TACR1: variants seen among roughly 807,000 people sequenced by gnomAD.
The protein encoded by TACR1 is substance-P receptor.
In TACR1, 25 loss-of-function variants were observed where a neutral mutation model predicts 35.8. That is an observed-to-expected ratio of 0.70 (90% CI 0.51 to 0.98). TACR1 has a LOEUF of 0.98. Ranked by LOEUF, TACR1 falls within the 50% of genes least tolerant of loss-of-function variation. The pLI, the probability that TACR1 is intolerant of heterozygous loss-of-function variation, is 0.00. For synonymous variants in TACR1, 195 were observed against 206.7 expected, an observed-to-expected ratio of 0.94 and a Z score of 0.48; for missense variants, 478 against 522.9, an observed-to-expected ratio of 0.91 and a Z score of 0.84.
intron 3 of TACR1, among the ~76,000 whole-genome samples, chr2:75,052,865 C>G (rs182959924): frequency 3.3e-4 from 50 of 151,986 alleles, no homozygotes; most frequent in African/African-American, 1.1e-3. Context: ...TTAAATGTTT[C>G]GTTTTGAACT....
intron 1 of TACR1, among the ~76,000 whole-genome samples, chr2:75,127,024 AT>A (rs1292635562): frequency 6.6e-6 from 1 of 152,320 alleles, no homozygotes; most frequent in East Asian, 1.9e-4. Context: ...AAAAGGGAAC[AT>A]TTATATACTA....
At position 75,051,947 on chromosome 2, in the gene TACR1, A is replaced by G. The variant is rs112161818; in HGVS notation, c.736-500T>C. Among the ~76,000 whole-genome samples the G allele has an allele frequency of 1.8e-4, 27 of 152,242 alleles. 1 individual carries two copies. The highest frequency in any genetic ancestry group is 6.0e-4 in the African/African-American group (25 of 41,562). Reference sequence around the variant, plus strand: ...CGGGCACAGCAGAAGGGGTGGGACAAGGGGAGATGCAGTGAGCTAGGGCAA... The same window carrying G: ...CGGGCACAGCAGAAGGGGTGGGACAGGGGGAGATGCAGTGAGCTAGGGCAA... On this transcript the variant is annotated intron_variant, in intron 3 of 4. Coordinates refer to ENST00000305249, the MANE Select transcript of TACR1 (RefSeq NM_001058.4).
intron 1 of TACR1, among the ~76,000 whole-genome samples, chr2:75,197,336 A>G (rs1389024216): frequency 4.6e-5 from 7 of 152,248 alleles, no homozygotes; most frequent in Admixed American, 4.6e-4. Flanking sequence ...TTTGCAAGTT[A>G]TAAACAATCT....
At chr2:75,070,412 TA>T (rs1253265877) in intron 2 of TACR1, among the ~76,000 whole-genome samples, 1 of 152,198 alleles carries the variant, frequency 6.6e-6, no homozygotes, top group Non-Finnish European at 1.5e-5. Flanking sequence ...TGCTGGGTGG[TA>T]CAGAGCCTTG....
Position 75,088,669 on chromosome 2 carries a change from T to C in TACR1, c.584+31905A>G, listed in dbSNP as rs117490947. ...GCATTTCTCTGTCCTCTCCTCCTTCTAGCAGGTGGAGGAGACCCCTGTGCT... is the reference window on the plus strand; with the variant it reads ...GCATTTCTCTGTCCTCTCCTCCTTCCAGCAGGTGGAGGAGACCCCTGTGCT... On this transcript the variant is annotated intron_variant, in intron 2 of 4. Transcript: ENST00000305249. Among the ~76,000 whole-genome samples the C allele has an allele frequency of 4.8e-4, 73 of 152,180 alleles. 2 individuals carry two copies. The East Asian group carries it at 0.013, about 26-fold the overall frequency.
intron 1 of TACR1, among the ~76,000 whole-genome samples, chr2:75,127,087 CTCT>C (rs1324664817): frequency 6.6e-6 from 1 of 152,224 alleles, no homozygotes; most frequent in Admixed American, 6.5e-5. Flanking sequence ...CACCCTCTGG[CTCT>C]TCTTCTGAAC....
chr2:75,117,856 C>T (rs1189680335), intron 2 of TACR1, among the ~76,000 whole-genome samples: 4 of 152,208 alleles, frequency 2.6e-5, no homozygotes, highest in Middle Eastern at 3.4e-3. Flanking sequence ...ACAGAATGGT[C>T]GTATGAATAC....
At position 75,086,211 on chromosome 2, in the gene TACR1, T is replaced by C. The variant is rs967036744; in HGVS notation, c.585-32456A>G. Among the ~76,000 whole-genome samples the C allele has an allele frequency of 2.6e-5, 4 of 152,226 alleles. No individual in the cohort carries two copies. The South Asian group carries it at 6.2e-4, about 24-fold the overall frequency. ...CTTCTCACAGCAGAGGAACTGGGAA[T>C]GTGTATCCTCTGGGGAGACTGAGAG... On this transcript the variant is annotated intron_variant, in intron 2 of 4. Coordinates refer to ENST00000305249, the MANE Select transcript of TACR1 (RefSeq NM_001058.4).
intron 2 of TACR1, among the ~76,000 whole-genome samples, chr2:75,073,663 G>C (rs1029263747): frequency 3.3e-5 from 5 of 152,194 alleles, no homozygotes; most frequent in Admixed American, 3.3e-4. Flanking sequence ...AGTGGGTCTG[G>C]GGGGAGGTGG....
At chr2:75,168,390 G>A (rs1177233292) in intron 1 of TACR1, among the ~76,000 whole-genome samples, 1 of 152,172 alleles carries the variant, frequency 6.6e-6, no homozygotes, top group African/African-American at 2.4e-5. Flanking sequence ...ATCTAATCAG[G>A]TGGGGCCTTA....
At chr2:75,069,835 AT>A (rs1460187435) in intron 2 of TACR1, among the ~76,000 whole-genome samples, 1 of 152,104 alleles carries the variant, frequency 6.6e-6, no homozygotes, top group Non-Finnish European at 1.5e-5. Context: ...TATTATTATT[AT>A]TTATCACTGT....
chr2:75,154,296 G>A (rs543439327), intron 1 of TACR1: 3 of 152,192 alleles, frequency 2.0e-5, no homozygotes, highest in Non-Finnish European at 4.4e-5. Context: ...GGAGTAGTCA[G>A]AACCTCCAGA....
Position 75,049,420 on chromosome 2 carries a change from AG to A in TACR1, c.*11del. ...AGGCAGTGGGGGCTGCACCTGCCAA[AG>A]GCCCTGTGGCCTAGGAGAGCACATT... On this transcript the variant is annotated 3_prime_UTR_variant, in exon 5 of 5. Transcript: ENST00000305249. 1.2e-6 allele frequency: 2 copies of A among 1,603,532 alleles called. No individual in the cohort carries two copies. The highest frequency in any genetic ancestry group is 1.7e-6 in the Non-Finnish European group (2 of 1,171,636).
chr2:75,177,412 C>T (rs148969893), intron 1 of TACR1, among the ~76,000 whole-genome samples: 2 of 152,278 alleles, frequency 1.3e-5, no homozygotes, highest in Non-Finnish European at 2.9e-5. Flanking sequence ...TTGCCTCTAG[C>T]CTTCCACTTT....
Position 75,049,675 on chromosome 2 carries a change from G to A in TACR1, c.981C>T (p.Ser327=), listed in dbSNP as rs543026916. Reference sequence around the variant, plus strand: ...TTTCCAGCCCCTCATAGTCGCCGGCGCTGATGAAGGGGCAGCACCGGAAGG... The same window carrying A: ...TTTCCAGCCCCTCATAGTCGCCGGCACTGATGAAGGGGCAGCACCGGAAGG... ...KHAFRCCPFI[S]AGDYEGLEMK... The change falls in exon 5 of 5, where the codon AGC becomes AGT. Residue 327 remains serine, a synonymous_variant. Coordinates refer to ENST00000305249, the MANE Select transcript of TACR1 (RefSeq NM_001058.4). The A allele has an allele frequency of 1.1e-5, 18 of 1,614,092 alleles. No individual in the cohort carries two copies. Among genetic ancestry groups the A allele is most frequent in the African/African-American group, 1.1e-4 (8 of 75,036 alleles).
chr2:75,137,713 A>G (rs1674323910), intron 1 of TACR1, among the ~76,000 whole-genome samples: 1 of 123,960 alleles, frequency 8.1e-6, no homozygotes, highest in Non-Finnish European at 1.6e-5. Flanking sequence ...TGGGCGACAG[A>G]GAGAGTCTCC....
At chr2:75,051,150 T>A in intron 4 of TACR1, 101 bp downstream of exon 4, 1 of 1,475,104 alleles carries the variant, frequency 6.8e-7, no homozygotes, top group East Asian at 2.3e-5. Context: ...TTGTCCCTCT[T>A]GTCTCACAGC....
At chr2:75,098,912 C>CTTTT (rs201792078) in intron 2 of TACR1, among the ~76,000 whole-genome samples, 5 of 144,744 alleles carry the variant, frequency 3.5e-5, no homozygotes, top group East Asian at 2.0e-4. Context: ...CAAATTAAGG[C>CTTTT]TTTTTTTTTT....
rs148500602 is a variant in TACR1, at chr2:75,143,991, G to A, written c.390-23223C>T. Among the ~76,000 whole-genome samples the A allele has an allele frequency of 1.1e-3, 164 of 152,298 alleles. 1 individual carries two copies. Among genetic ancestry groups the A allele is most frequent in the African/African-American group, 3.8e-3 (159 of 41,556 alleles). On this transcript the variant is annotated intron_variant, in intron 1 of 4. Transcript: ENST00000305249. ...TAATGCTGGTACATAGAACAAAGGAGGAGGATCAATTCCTCACCTGCTTAG... is the reference window on the plus strand; with the variant it reads ...TAATGCTGGTACATAGAACAAAGGAAGAGGATCAATTCCTCACCTGCTTAG...
Sources: gnomAD v4.1 joint callset for allele counts (sites outside exome capture counted in the v4.1 genomes callset) on GRCh38, gnomAD v4.1.1 for gene constraint, MANE v1.5 for transcripts, NCBI Gene and HGNC (gene_info 2026-07-23, HGNC 2026-07-21) for gene names.